Variants in AHNAK2 observed in about 807,000 individuals in gnomAD.
The protein encoded by AHNAK2 is protein AHNAK2.
Under a neutral mutation model 30.7 loss-of-function variants are expected in AHNAK2, and 18 were observed. The observed-to-expected ratio is 0.59, with a 90% CI of 0.41 to 0.87. The LOEUF (loss-of-function observed/expected upper bound fraction) is 0.87. AHNAK2 is among the 40% of genes least tolerant of loss of function. The pLI is 0.00. For missense variants in AHNAK2, 8,604 were observed against 7,373.0 expected (o/e 1.17, Z -6.11); for synonymous variants, 3,590 against 3,073.8 (o/e 1.17, Z -5.56).
chr14:104,955,916 A>G (rs193273189), intron 4 of AHNAK2, among the ~76,000 whole-genome samples: 1 of 152,288 alleles, frequency 6.6e-6, no homozygotes. Flanking sequence ...CACCAGGAGC[A>G]GCGCAGAACG....
At position 104,950,234 on chromosome 14, in the gene AHNAK2, C is replaced by T. The variant is rs747432068; in HGVS notation, c.5217G>A (p.Gly1739=). The T allele has an allele frequency of 8.9e-5, 141 of 1,585,592 alleles. 21 individuals carry two copies. Among genetic ancestry groups the T allele is most frequent in the Non-Finnish European group, 5.2e-5 (60 of 1,162,810 alleles). Residue 1739 remains glycine (G), a synonymous_variant, in exon 7 of 7, where the codon GGG becomes GGA. Transcript: ENST00000333244. ...TGGGCATCTGCACCTTGGGGAGGTG[C>T]CCTTTGAAGCCGGCTCCCTCGGGAA... ...GPLPEGAGFK[G]HLPKVQMPSL...
intron 4 of AHNAK2, 51 bp from the exon 5 acceptor site, chr14:104,955,684 T>A (rs1376017129): frequency 8.2e-6 from 13 of 1,588,416 alleles, no homozygotes; most frequent in Non-Finnish European, 1.0e-5. Flanking sequence ...AGTCCCACCA[T>A]AAGCATCCCT....
chr14:104,940,544 C>T lies in AHNAK2; in HGVS notation c.14907G>A (p.Lys4969=). The change falls in exon 7 of 7, where the codon AAG becomes AAA. Residue 4969 remains lysine, a synonymous_variant. Transcript: ENST00000333244. This position sits in a 1 kb window ranked among gnomAD's most constrained non-coding sequence, Gnocchi z 4.4. The part of the protein sequence containing the change: ...KLPSFRWSPK[K]ETGPKVDPEC... Reference sequence around the variant, plus strand: ...CTGGGTCCACCTTTGGCCCTGTTTCCTTCTTCGGGGACCACCTAAATGATG... The same window carrying T: ...CTGGGTCCACCTTTGGCCCTGTTTCTTTCTTCGGGGACCACCTAAATGATG... 1 of 1,613,734 alleles carries T rather than the reference C, an allele frequency of 6.2e-7. No homozygotes were observed. The highest frequency in any genetic ancestry group is 8.5e-7 in the Non-Finnish European group (1 of 1,179,824).
Position 104,953,747 on chromosome 14 carries a change from T to C in AHNAK2, c.1704A>G (p.Glu568=), listed in dbSNP as rs1236825628. The C allele has an allele frequency of 6.2e-7, 1 of 1,613,980 alleles. No individual in the cohort carries two copies. The highest frequency in any genetic ancestry group is 1.7e-5 in the Admixed American group (1 of 60,022). Residue 568 remains glutamate (E), a synonymous_variant, in exon 7 of 7, where the codon GAA becomes GAG. Transcript: ENST00000333244. ...EGLQRTRITE[E]QDKGREDTEG... is the part of the protein sequence containing the mutation. ...CTGTGTCTTCCCTGCCCTTGTCCTG[T>C]TCCTCAGTGATCCTTGTCCTCTGTA...
Position 104,944,990 on chromosome 14 carries a change from G to T in AHNAK2, c.10461C>A (p.Ala3487=), listed in dbSNP as rs764665868. The T allele has an allele frequency of 6.2e-6, 10 of 1,612,804 alleles. No homozygotes were observed. Among genetic ancestry groups the T allele is most frequent in the Non-Finnish European group, 8.5e-7 (1 of 1,179,530 alleles). Residue 3487 remains alanine (A), a synonymous_variant, in exon 7 of 7, where the codon GCC becomes GCA. Coordinates refer to ENST00000333244, the MANE Select transcript of AHNAK2 (RefSeq NM_138420.4). ...GCGAGGCCTCGATGGACCTGCCTGGGGCCGACACCCCGAAGGAGGGCATCT... is the reference window on the plus strand; with the variant it reads ...GCGAGGCCTCGATGGACCTGCCTGGTGCCGACACCCCGAAGGAGGGCATCT... ...KFKMPSFGVS[A]PGRSIEASLD...
At position 104,955,022 on chromosome 14, in the gene AHNAK2, C is replaced by A. The variant is rs976360314; in HGVS notation, c.586G>T (p.Ala196Ser). 1 of 1,613,646 alleles carries A rather than the reference C, an allele frequency of 6.2e-7. No homozygotes were observed. The highest frequency in any genetic ancestry group is 8.5e-7 in the Non-Finnish European group (1 of 1,179,890). The change falls in exon 6 of 7, where the codon GCC becomes TCC. Residue 196 changes from alanine to serine, a missense_variant. Physicochemically the swap from Ala to Ser is moderately conservative, Grantham distance 99. Coordinates refer to ENST00000333244, the MANE Select transcript of AHNAK2 (RefSeq NM_138420.4). Reference sequence around the variant, plus strand: ...GAAGCCCACTCTTCATCCTGTGGGGCAGGGAGCTGCCGTCTGATTTTGAAC... The same window carrying A: ...GAAGCCCACTCTTCATCCTGTGGGGAAGGGAGCTGCCGTCTGATTTTGAAC... ...VQFKIRRQLPAPQDEEWASSD... is the reference protein window; with the variant it reads ...VQFKIRRQLPSPQDEEWASSD...
At position 104,939,115 on chromosome 14, in the gene AHNAK2, C is replaced by T; in HGVS notation, c.16336G>A (p.Glu5446Lys). ...ILKAGAGVPGEQPVDLNLPLE... is the reference protein window; with the variant it reads ...ILKAGAGVPGKQPVDLNLPLE... ...GGCAGGTTAAGGTCCACAGGCTGCT[C>T]CCCAGGGACCCCAGCACCTGCCTTC... Residue 5446 changes from glutamate to lysine, a missense_variant, in exon 7 of 7, where the codon GAG becomes AAG. Glu to Lys is a moderately conservative substitution (Grantham distance 56). Coordinates refer to ENST00000333244, the MANE Select transcript of AHNAK2 (RefSeq NM_138420.4). The T allele has an allele frequency of 6.2e-7, 1 of 1,606,600 alleles. No individual in the cohort carries two copies. Among genetic ancestry groups the T allele is most frequent in the Middle Eastern group, 1.7e-4 (1 of 6,050 alleles).
rs571254995 is a variant in AHNAK2 at position 104,947,344 on chromosome 14, C to T, written c.8107G>A (p.Ala2703Thr). ...TTDISIQPPSAQLEVQAGQVD... is the reference protein window; with the variant it reads ...TTDISIQPPSTQLEVQAGQVD... ...TGGCCAGCCTGGACCTCCAGTTGGG[C>T]AGAGGGGGGCTGAATGCTGATGTCA... Residue 2703 changes from alanine to threonine, a missense_variant, in exon 7 of 7, where the codon GCC (alanine) becomes ACC (threonine). Coordinates refer to ENST00000333244, the MANE Select transcript of AHNAK2 (RefSeq NM_138420.4). 1.2e-6 allele frequency: 2 copies of T among 1,612,390 alleles called. No individual in the cohort carries two copies. Among genetic ancestry groups the T allele is most frequent in the African/African-American group, 2.7e-5 (2 of 74,288 alleles).
chr14:104,938,841 G>A lies in AHNAK2; in HGVS notation c.16610C>T (p.Thr5537Ile). Residue 5537 changes from threonine (T) to isoleucine (I), a missense_variant, in exon 7 of 7, where the codon ACA (threonine) becomes ATA (isoleucine). Physicochemically the swap from Thr to Ile is moderately conservative, Grantham distance 89. Transcript: ENST00000333244. ...EPHTQARVYT[T>I]MTQHSRTQEG... The stretch of plus-strand genomic sequence containing the variant: ...CTGAGTCCTAGAGTGTTGAGTCATT[G>A]TTGTGTACACTCTAGCCTGCGTGTG... 1 of 1,613,946 alleles carries A rather than the reference G, an allele frequency of 6.2e-7. No homozygotes were observed. Among genetic ancestry groups the A allele is most frequent in the Non-Finnish European group, 8.5e-7 (1 of 1,179,890 alleles).
Position 104,950,086 on chromosome 14 carries a change from C to A in AHNAK2, c.5365G>T (p.Val1789Leu). Reference sequence around the variant, plus strand: ...CCTGGAGCCTCGACGTCCACCTCCACGCTGGGCAGAGACACCTCCACGTCG... The same window carrying A: ...CCTGGAGCCTCGACGTCCACCTCCAAGCTGGGCAGAGACACCTCCACGTCG... ...APDVEVSLPSVEVDVEAPGAK... is the reference protein window; with the variant it reads ...APDVEVSLPSLEVDVEAPGAK... The change falls in exon 7 of 7, where the codon GTG becomes TTG. Residue 1789 changes from valine (V) to leucine (L), a missense_variant. Transcript: ENST00000333244. The A allele has an allele frequency of 6.3e-7, 1 of 1,585,372 alleles. No homozygotes were observed. The highest frequency in any genetic ancestry group is 8.6e-7 in the Non-Finnish European group (1 of 1,162,476).
Position 104,957,466 on chromosome 14 carries a change from G to T in AHNAK2, c.157C>A (p.Gln53Lys). Reference protein sequence around the residue: ...PADEGIRPRPQGSSPVYEYTT... With the variant: ...PADEGIRPRPKGSSPVYEYTT... ...TATTCGTAGACAGGTGAAGACCCCT[G>T]CGGCCGTGGTCGAATGCCCTCATCC... is the stretch of plus-strand genomic sequence containing the variant. Residue 53 changes from glutamine (Q) to lysine (K), a missense_variant, in exon 3 of 7, where the codon CAG (glutamine) becomes AAG (lysine). Gln to Lys is a moderately conservative substitution (Grantham distance 53). Transcript: ENST00000333244. 1 of 1,602,856 alleles carries T rather than the reference G, an allele frequency of 6.2e-7. No individual in the cohort carries two copies.
Position 104,948,559 on chromosome 14 carries a change from C to A in AHNAK2, c.6892G>T (p.Ala2298Ser), listed in dbSNP as rs755528421. The change falls in exon 7 of 7, where the codon GCG (alanine) becomes TCG (serine). Residue 2298 changes from alanine to serine, a missense_variant. Ala to Ser is a moderately conservative substitution (Grantham distance 99, BLOSUM62 1). Coordinates refer to ENST00000333244, the MANE Select transcript of AHNAK2 (RefSeq NM_138420.4). ...VKAPGAKLDG[A>S]RLEGDMSLAD... ...AGGGACATGTCCCCCTCCAGCCGCG[C>A]ACCATCCAGCTTGGCTCCTGGGGCC... 1.2e-5 allele frequency: 20 copies of A among 1,612,538 alleles called. No homozygotes were observed. The highest frequency in any genetic ancestry group is 3.3e-4 in the Middle Eastern group (2 of 6,084).
intron 1 of AHNAK2, among the ~76,000 whole-genome samples, chr14:104,958,356 G>A (rs1899041467): frequency 6.6e-6 from 1 of 152,162 alleles, no homozygotes; most frequent in South Asian, 2.1e-4. Context: ...GCTGAGGTAG[G>A]AGAATCACTT....
rs749695866 is a variant in AHNAK2 at position 104,947,651 on chromosome 14, C to T, written c.7800G>A (p.Ala2600=). Reference sequence around the variant, plus strand: ...TCTCCACATCGGGGGCTGTCACTTCCGCCTTGGGGCCTTTCAGGTCCAGCT... The same window carrying T: ...TCTCCACATCGGGGGCTGTCACTTCTGCCTTGGGGCCTTTCAGGTCCAGCT... ...GPKLDLKGPK[A]EVTAPDVEMS... is the part of the protein sequence containing the mutation. Residue 2600 remains alanine, a synonymous_variant, in exon 7 of 7, where the codon GCG becomes GCA. Transcript: ENST00000333244. 2.8e-5 allele frequency: 45 copies of T among 1,613,228 alleles called. No individual in the cohort carries two copies. Among genetic ancestry groups the T allele is most frequent in the African/African-American group, 2.0e-4 (15 of 74,750 alleles).
In AHNAK2 at chr14:104,940,578, A is replaced by C. The variant is rs1595389486; in HGVS notation, c.14873T>G (p.Ile4958Ser). Residue 4958 changes from isoleucine (I) to serine (S), a missense_variant, in exon 7 of 7, where the codon ATT becomes AGT. By Grantham distance (142) the Ile-to-Ser change is moderately radical (BLOSUM62 -2). Transcript: ENST00000333244. This position sits in a 1 kb window ranked among gnomAD's most constrained non-coding sequence, Gnocchi z 4.4. ...GGACCACCTAAATGATGGAAGCTTA[A>C]TCTTAGGCATTTTCAAGGGACTCCC... is the stretch of plus-strand genomic sequence containing the variant. Reference protein sequence around the residue: ...GKGSPLKMPKIKLPSFRWSPK... With the variant: ...GKGSPLKMPKSKLPSFRWSPK... The C allele has an allele frequency of 6.2e-7, 1 of 1,613,612 alleles. No individual in the cohort carries two copies.
Position 104,943,769 on chromosome 14 carries a change from G to A in AHNAK2, c.11682C>T (p.Phe3894=). Residue 3894 remains phenylalanine, a synonymous_variant, in exon 7 of 7, where the codon TTC becomes TTT. Coordinates refer to ENST00000333244, the MANE Select transcript of AHNAK2 (RefSeq NM_138420.4). ...GHLPKVQMPS[F]KMPKVDLKGP... Reference sequence around the variant, plus strand: ...CCTTGAGGTCGACTTTGGGCATCTTGAAACTGGGCATCTGCACCTTGGGCA... The same window carrying A: ...CCTTGAGGTCGACTTTGGGCATCTTAAAACTGGGCATCTGCACCTTGGGCA... 1.9e-6 allele frequency: 3 copies of A among 1,611,478 alleles called. No homozygotes were observed. The highest frequency in any genetic ancestry group is 2.5e-6 in the Non-Finnish European group (3 of 1,178,976).
chr14:104,947,879 C>A lies in AHNAK2; in HGVS notation c.7572G>T (p.Gly2524=), dbSNP rs575554034. 6.2e-7 allele frequency: 1 copy of A among 1,612,728 alleles called. No homozygotes were observed. Among genetic ancestry groups the A allele is most frequent in the Non-Finnish European group, 8.5e-7 (1 of 1,179,594 alleles). ...TGCTGAGGTCAGTGGCCTTGAGGTC[C>A]CCCTGCATGGAGGAGAGGCTCCCGT... ...EADGSLSSMQ[G]DLKATDLSIQ... The change falls in exon 7 of 7, where the codon GGG becomes GGT. Residue 2524 remains glycine (G), a synonymous_variant. Coordinates refer to ENST00000333244, the MANE Select transcript of AHNAK2 (RefSeq NM_138420.4).
In AHNAK2 at chr14:104,951,235, C is replaced by T. The variant is rs762261934; in HGVS notation, c.4216G>A (p.Gly1406Ser). The change falls in exon 7 of 7, where the codon GGC (glycine) becomes AGC (serine). Residue 1406 changes from glycine (G) to serine (S), a missense_variant. Coordinates refer to ENST00000333244, the MANE Select transcript of AHNAK2 (RefSeq NM_138420.4). ...AGCTTGGGCAGGTGCCCTTTGAGGC[C>T]GGCTCCCTCGGGCACGGGGCCCTCT... is the stretch of plus-strand genomic sequence containing the variant. Reference protein sequence around the residue: ...LPEGPVPEGAGLKGHLPKLQM... With the variant: ...LPEGPVPEGASLKGHLPKLQM... 18 of 1,061,226 alleles carry T rather than the reference C, an allele frequency of 1.7e-5. 3 individuals are homozygous for T. Among genetic ancestry groups the T allele is most frequent in the East Asian group, 6.9e-5 (3 of 43,746 alleles). 65.7% of individuals were successfully genotyped at this position (1,061,226 alleles called of 1,614,324 possible).
chr14:104,974,464 T>C (rs978936930), intron 1 of AHNAK2, among the ~76,000 whole-genome samples: 2 of 152,258 alleles, frequency 1.3e-5, no homozygotes, highest in Admixed American at 6.5e-5. Context: ...GGTCCCTGAC[T>C]TCGCCCTCAG....
Sources: gnomAD v4.1 joint callset for allele counts (sites outside exome capture counted in the v4.1 genomes callset) on GRCh38, gnomAD v4.1.1 for gene constraint, Gnocchi (gnomAD v3.1) non-coding constraint, MANE v1.5 for transcripts, NCBI Gene and HGNC (gene_info 2026-07-23, HGNC 2026-07-21) for gene names.